The following PTPRS variants were observed in gnomAD, a reference collection of about 807,000 sequenced individuals.
The protein encoded by PTPRS is protein tyrosine phosphatase receptor type S, also known as receptor-type tyrosine-protein phosphatase S.
A neutral mutation model predicts 215.3 loss-of-function variants in PTPRS; 63 were observed. The ratio of observed to expected loss-of-function variants is 0.29; its 90% confidence interval spans 0.24 to 0.36. The LOEUF is 0.36. Ranked by LOEUF, PTPRS falls within the 10% of genes least tolerant of loss-of-function variation. PTPRS has a pLI of 1.00. For missense variants in PTPRS, 2,258 were observed against 2,825.8 expected, an observed-to-expected ratio of 0.80 and a Z score of 4.56; for synonymous variants, 1,404 against 1,191.4, an observed-to-expected ratio of 1.18 and a Z score of -3.68.
At chr19:5,315,498 T>C (rs2379613) in intron 1 of PTPRS, among the ~76,000 whole-genome samples, 113,562 of 151,292 alleles carry the variant, frequency 0.75, 43,969 homozygotes, top group African/African-American at 0.93. Context: ...CGAGTAGCTG[T>C]GGCCACAGGT....
intron 13 of PTPRS, among the ~76,000 whole-genome samples, chr19:5,232,148 T>C (rs893819685): frequency 7.6e-5 from 11 of 144,852 alleles, no homozygotes; most frequent in Admixed American, 2.7e-4. Flanking sequence ...ACTTATTAGG[T>C]ACCTACTATG....
intron 1 of PTPRS, among the ~76,000 whole-genome samples, chr19:5,303,248 G>T (rs547024290): frequency 3.5e-4 from 54 of 152,260 alleles, no homozygotes; most frequent in African/African-American, 1.2e-3. Flanking sequence ...GGTGCCCGGG[G>T]CTGATTTTTG....
intron 4 of PTPRS, among the ~76,000 whole-genome samples, chr19:5,269,157 G>A (rs977114987): frequency 5.3e-5 from 8 of 152,084 alleles, no homozygotes; most frequent in African/African-American, 1.9e-4. Context: ...GTGGGTACAT[G>A]TGTGCCGCAT....
At chr19:5,268,027 G>A (rs933382367) in intron 4 of PTPRS, among the ~76,000 whole-genome samples, 9 of 152,176 alleles carry the variant, frequency 5.9e-5, no homozygotes, top group South Asian at 2.1e-4. Flanking sequence ...AAGATTAGCC[G>A]GGCTTGGTGA....
intron 2 of PTPRS, among the ~76,000 whole-genome samples, chr19:5,276,777 C>T (rs548442339): frequency 2.6e-5 from 4 of 151,546 alleles, no homozygotes; most frequent in East Asian, 2.0e-4. Context: ...CTCCTGACCT[C>T]GTGATCCGCC....
chr19:5,298,351 G>A (rs2049202559), intron 1 of PTPRS, among the ~76,000 whole-genome samples: 1 of 152,168 alleles, frequency 6.6e-6, no homozygotes, highest in African/African-American at 2.4e-5. Flanking sequence ...CTTCCCTGAT[G>A]GGGAACCCTC....
intron 4 of PTPRS, among the ~76,000 whole-genome samples, chr19:5,270,590 G>A (rs1463969372): frequency 6.6e-6 from 1 of 152,172 alleles, no homozygotes; most frequent in Non-Finnish European, 1.5e-5. Flanking sequence ...CATTACAGGT[G>A]TGAGCCACGG....
Position 5,244,010 on chromosome 19 carries a change from G to C in PTPRS, c.1461C>G (p.Thr487=), listed in dbSNP as rs756488886. The change falls in exon 11 of 38, where the codon ACC becomes ACG. Residue 487 remains threonine (T), a synonymous_variant. Coordinates refer to ENST00000262963, the MANE Select transcript of PTPRS (RefSeq NM_002850.4). The surrounding 1 kb of genome is among the most constrained non-coding windows in gnomAD (Gnocchi z 7.2). ...TCTCGTCCTCCAGCAGGCTGCCCAC[G>C]GTGGTCAGCAGGCTGTCGTCCACGT... The part of the protein sequence containing the change: ...KHNVDDSLLT[T]VGSLLEDETY... The C allele has an allele frequency of 3.5e-6, 5 of 1,432,886 alleles. No homozygotes were observed. The African/African-American group carries it at 6.3e-5, about 18-fold the overall frequency. 88.8% of individuals were successfully genotyped at this position (1,432,886 alleles called of 1,614,324 possible). A position where few individuals can be genotyped will look rare whatever the true frequency, so the allele number is the denominator to read the frequency against.
At chr19:5,298,241 AC>A (rs1195419010) in intron 1 of PTPRS, among the ~76,000 whole-genome samples, 5 of 152,144 alleles carry the variant, frequency 3.3e-5, no homozygotes, top group African/African-American at 9.7e-5. Flanking sequence ...TATAAACAAC[AC>A]TGTGAGGGAC....
intron 1 of PTPRS, among the ~76,000 whole-genome samples, chr19:5,300,335 G>A (rs1056321239): frequency 6.6e-6 from 1 of 150,566 alleles, no homozygotes; most frequent in Non-Finnish European, 1.5e-5. Context: ...GTGGCTCATG[G>A]TCAGAGTACT....
At chr19:5,283,709 T>C (rs888974224) in intron 2 of PTPRS, among the ~76,000 whole-genome samples, 4 of 152,184 alleles carry the variant, frequency 2.6e-5, no homozygotes, top group Non-Finnish European at 5.9e-5. Context: ...CAGCTATACC[T>C]GGCTTCTGGT....
In PTPRS at chr19:5,237,825, G is replaced by C. The variant is rs1384513808; in HGVS notation, c.1849+1094C>G. Reference sequence around the variant, plus strand: ...TGCTCAGCTCGGCTTGGTTTGTGGGGAGCAGGAAGGAGGGAAGGGGGCCGG... The same window carrying C: ...TGCTCAGCTCGGCTTGGTTTGTGGGCAGCAGGAAGGAGGGAAGGGGGCCGG... On this transcript the variant is annotated intron_variant, in intron 13 of 37. Transcript: ENST00000262963. The surrounding 1 kb of genome is among the most constrained non-coding windows in gnomAD (Gnocchi z 4.2). Among the ~76,000 whole-genome samples the C allele has an allele frequency of 6.6e-6, 1 of 152,188 alleles. No homozygotes were observed. The highest frequency in any genetic ancestry group is 1.5e-5 in the Non-Finnish European group (1 of 68,038).
intron 9 of PTPRS, among the ~76,000 whole-genome samples, chr19:5,248,403 C>A (rs1298007122): frequency 6.7e-6 from 1 of 149,076 alleles, no homozygotes; most frequent in African/African-American, 2.4e-5. Flanking sequence ...AAAAAAAAAT[C>A]ATGGAATGGG....
intron 1 of PTPRS, among the ~76,000 whole-genome samples, chr19:5,328,594 G>A (rs902309466): frequency 6.6e-6 from 1 of 152,196 alleles, no homozygotes; most frequent in African/African-American, 2.4e-5. Flanking sequence ...GGGTGAGCAA[G>A]TAGCTGAGAG....
chr19:5,334,416 T>C (rs753976762), intron 1 of PTPRS, among the ~76,000 whole-genome samples: 1 of 152,248 alleles, frequency 6.6e-6, no homozygotes, highest in African/African-American at 2.4e-5. Flanking sequence ...AACTCATTTC[T>C]TCCTCCTAAC....
chr19:5,302,942 C>T (rs1308756217), intron 1 of PTPRS, among the ~76,000 whole-genome samples: 3 of 149,400 alleles, frequency 2.0e-5, no homozygotes, highest in Admixed American at 6.7e-5. Flanking sequence ...TGGTGGCGGG[C>T]GCCTGTAGTC....
chr19:5,261,047 G>A (rs1043120934), intron 6 of PTPRS, among the ~76,000 whole-genome samples: 1 of 152,102 alleles, frequency 6.6e-6, no homozygotes, highest in South Asian at 2.1e-4. Context: ...AAAGCAGGAG[G>A]GTTTCCTGTA....
intron 1 of PTPRS, among the ~76,000 whole-genome samples, chr19:5,306,936 C>A (rs551482299): frequency 6.6e-6 from 1 of 152,174 alleles, no homozygotes; most frequent in Non-Finnish European, 1.5e-5. Context: ...TGAAATGACA[C>A]GTGGAGAAAG....
rs1218325709 is a variant in PTPRS at position 5,244,835 on chromosome 19, A to C, written c.989-353T>G. On this transcript the variant is annotated intron_variant, in intron 10 of 37. Transcript: ENST00000262963. This position sits in a 1 kb window ranked among gnomAD's most constrained non-coding sequence, Gnocchi z 7.2. Reference sequence around the variant, plus strand: ...CAGGCGCCTGCCACCACACTCAGCTAATTTTTTGTATTTTCAGTTGAGACG... The same window carrying C: ...CAGGCGCCTGCCACCACACTCAGCTCATTTTTTGTATTTTCAGTTGAGACG... Among the ~76,000 whole-genome samples the C allele has an allele frequency of 6.8e-6, 1 of 147,236 alleles. No individual in the cohort carries two copies. Among genetic ancestry groups the C allele is most frequent in the African/African-American group, 2.6e-5 (1 of 37,798 alleles).
Sources: gnomAD v4.1 joint callset for allele counts (sites outside exome capture counted in the v4.1 genomes callset) on GRCh38, gnomAD v4.1.1 for gene constraint, Gnocchi (gnomAD v3.1) non-coding constraint, MANE v1.5 for transcripts, NCBI Gene and HGNC (gene_info 2026-07-23, HGNC 2026-07-21) for gene names.